The following ITGB5 variants were observed in gnomAD, a reference collection of about 807,000 sequenced individuals.
The protein encoded by ITGB5 is integrin subunit beta 5, also known as integrin beta-5.
A neutral mutation model predicts 84.8 loss-of-function variants in ITGB5; 38 were observed. That is an observed-to-expected ratio of 0.45 (90% CI 0.35 to 0.59). The LOEUF (loss-of-function observed/expected upper bound fraction) is 0.59. ITGB5 is among the 20% of genes least tolerant of loss of function. ITGB5 has a pLI of 0.01. For missense variants in ITGB5, 905 were observed against 1,034.5 expected, an observed-to-expected ratio of 0.87 and a Z score of 1.72; for synonymous variants, 393 against 414.4, an observed-to-expected ratio of 0.95 and a Z score of 0.63.
chr3:124,898,303 G>A (rs539329303), intron 1 of ITGB5, among the ~76,000 whole-genome samples: 2 of 151,732 alleles, frequency 1.3e-5, no homozygotes, highest in African/African-American at 4.8e-5. Flanking sequence ...TATGGAATGA[G>A]ACTTATGTAC....
At chr3:124,873,263 T>C (rs1444360440) in intron 2 of ITGB5, among the ~76,000 whole-genome samples, 183 bp downstream of exon 2, 3 of 152,196 alleles carry the variant, frequency 2.0e-5, no homozygotes, top group Non-Finnish European at 2.9e-5. Context: ...GAAACCCAGT[T>C]TATCTTATTG....
At chr3:124,900,453 A>G (rs1167300927) in intron 1 of ITGB5, among the ~76,000 whole-genome samples, 1 of 152,240 alleles carries the variant, frequency 6.6e-6, no homozygotes, top group East Asian at 1.9e-4. Context: ...ACCTGGAAGT[A>G]GCAGAGAATT....
At chr3:124,877,375 C>A (rs1273699111) in intron 1 of ITGB5, among the ~76,000 whole-genome samples, 1 of 151,916 alleles carries the variant, frequency 6.6e-6, no homozygotes, top group Non-Finnish European at 1.5e-5. Flanking sequence ...TTGGTCAAAT[C>A]CCCGTACCTG....
chr3:124,809,210 G>C, intron 8 of ITGB5, 54 bp from the exon 9 acceptor site: 1 of 1,600,554 alleles, frequency 6.2e-7, no homozygotes. Context: ...TGTGGCTGAG[G>C]TGCTCCCACA....
At chr3:124,898,863 G>A (rs552925971) in intron 1 of ITGB5, among the ~76,000 whole-genome samples, 1 of 151,024 alleles carries the variant, frequency 6.6e-6, no homozygotes, top group Admixed American at 6.6e-5. Context: ...ATCACCTGAG[G>A]TCAGGAGTTC....
chr3:124,809,089 G>A lies in ITGB5; in HGVS notation c.1196C>T (p.Ala399Val). 2 of 1,614,012 alleles carry A rather than the reference G, an allele frequency of 1.2e-6. No homozygotes were observed. The highest frequency in any genetic ancestry group is 1.7e-6 in the Non-Finnish European group (2 of 1,179,904). ...QPEDLNLFFT[A>V]TCQDGVSYPG... is the part of the protein sequence containing the mutation. ...ATAGGATACCCCATCTTGGCAGGTA[G>A]CAGTAAAGAAGAGATTAAGATCCTC... The change falls in exon 9 of 15, where the codon GCT (alanine) becomes GTT (valine). Residue 399 changes from alanine to valine, a missense_variant. Coordinates refer to ENST00000296181, the MANE Select transcript of ITGB5 (RefSeq NM_002213.5).
At chr3:124,835,607 C>T (rs988379026) in intron 5 of ITGB5, among the ~76,000 whole-genome samples, 4 of 152,236 alleles carry the variant, frequency 2.6e-5, no homozygotes, top group Admixed American at 1.3e-4. Flanking sequence ...AGACAGACAA[C>T]GCAGACAGCT....
chr3:124,853,588 A>G (rs2065185295), intron 3 of ITGB5, among the ~76,000 whole-genome samples: 1 of 152,150 alleles, frequency 6.6e-6, no homozygotes, highest in African/African-American at 2.4e-5. Flanking sequence ...AGCTATGTAC[A>G]CTGTCACCCA....
At chr3:124,785,571 C>G (rs552979564) in intron 10 of ITGB5, among the ~76,000 whole-genome samples, 1 of 137,412 alleles carries the variant, frequency 7.3e-6, no homozygotes, top group African/African-American at 2.8e-5. Context: ...GGGAACAGAA[C>G]GAGACTCCAT....
intron 10 of ITGB5, among the ~76,000 whole-genome samples, chr3:124,788,904 G>T (rs760524142): frequency 6.6e-6 from 1 of 152,146 alleles, no homozygotes; most frequent in African/African-American, 2.4e-5. Context: ...TCCAGCCTAG[G>T]TTCATTCAAA....
chr3:124,850,722 A>C (rs1023300473), intron 3 of ITGB5, among the ~76,000 whole-genome samples: 10 of 146,610 alleles, frequency 6.8e-5, no homozygotes, highest in Admixed American at 4.8e-4. Context: ...AAAAAAAAAA[A>C]CCATCAGAGT....
upstream of ITGB5, among the ~76,000 whole-genome samples, chr3:124,891,846 G>A (rs1427893103): frequency 6.6e-6 from 1 of 151,848 alleles, no homozygotes; most frequent in East Asian, 1.9e-4. Context: ...TGAGCCTGGG[G>A]AAGTTGAGGC....
chr3:124,793,488 G>A (rs1036095030), intron 10 of ITGB5, among the ~76,000 whole-genome samples: 4 of 152,078 alleles, frequency 2.6e-5, no homozygotes, highest in African/African-American at 4.8e-5. Flanking sequence ...GGGGGAAGGC[G>A]GGGCCCTCCT....
At chr3:124,891,394 A>G (rs1366088423), upstream of ITGB5, among the ~76,000 whole-genome samples, 3 of 152,128 alleles carry the variant, frequency 2.0e-5, no homozygotes, top group Admixed American at 1.3e-4. Flanking sequence ...TTTAAAAGAA[A>G]TGAAGGCCTT....
At chr3:124,766,183 G>T (rs771516561) in intron 13 of ITGB5, 43 bp downstream of exon 13, 1 of 1,596,612 alleles carries the variant, frequency 6.3e-7, no homozygotes, top group South Asian at 1.1e-5. Context: ...AATCAGAACT[G>T]AGGGCTGGCT....
At chr3:124,890,195 T>C (rs1934967522), upstream of ITGB5, among the ~76,000 whole-genome samples, 3 of 141,976 alleles carry the variant, frequency 2.1e-5, no homozygotes, top group Non-Finnish European at 4.5e-5. Flanking sequence ...TTAGTACTTA[T>C]CTAGCTTTTT....
chr3:124,798,421 G>A (rs992480280), intron 9 of ITGB5, among the ~76,000 whole-genome samples: 2 of 151,626 alleles, frequency 1.3e-5, no homozygotes, highest in Admixed American at 6.6e-5. Context: ...CAATGTTTTT[G>A]TTGTTGTTGT....
intron 2 of ITGB5, chr3:124,863,245 G>T (rs1239411809): frequency 6.6e-6 from 1 of 152,262 alleles, no homozygotes; most frequent in Non-Finnish European, 1.5e-5. Flanking sequence ...GGCAAGGCAG[G>T]TCTGAAGAAG....
intron 1 of ITGB5, among the ~76,000 whole-genome samples, chr3:124,892,791 G>A (rs1458520710): frequency 1.3e-5 from 2 of 151,138 alleles, no homozygotes. Flanking sequence ...AATCAGATTC[G>A]TTAAGTTTCC....
Sources: allele counts gnomAD v4.1 joint callset (sites outside exome capture counted in the v4.1 genomes callset), GRCh38; gene constraint gnomAD v4.1.1; transcripts MANE v1.5; gene names NCBI Gene and HGNC (gene_info 2026-07-23, HGNC 2026-07-21).